The following MBTPS2 variants were observed in gnomAD, a reference collection of about 807,000 sequenced individuals.
MBTPS2 encodes membrane bound transcription factor peptidase, site 2.
A neutral mutation model predicts 35.4 loss-of-function variants in MBTPS2; 2 were observed. The observed-to-expected ratio is 0.06, with a 90% CI of 0.02 to 0.18. MBTPS2 has a LOEUF of 0.18. MBTPS2 is among the 10% of genes least tolerant of loss of function. The pLI, the probability that MBTPS2 is intolerant of heterozygous loss-of-function variation, is 1.00. For synonymous variants in MBTPS2, 125 were observed against 140.4 expected (o/e 0.89, Z 0.77); for missense variants, 244 against 386.5 (o/e 0.63, Z 3.09).
chrX:21,884,617 T>C lies in MBTPS2; in HGVS notation c.*1962T>C. The C allele has an allele frequency of 1.3e-6, 1 of 754,341 alleles. No homozygotes were observed. The highest frequency in any genetic ancestry group is 1.6e-6 in the Non-Finnish European group (1 of 639,288). 62.2% of individuals were successfully genotyped at this position (754,341 alleles called of 1,213,427 possible). A position where few individuals can be genotyped will look rare whatever the true frequency, so the allele number is the denominator to read the frequency against. On this transcript the variant is annotated 3_prime_UTR_variant, in exon 11 of 11. Coordinates refer to ENST00000379484, the MANE Select transcript of MBTPS2 (RefSeq NM_015884.4). ...AAAGAGCAGATCAGTACCATTTGTA[T>C]AAAACCGGCCTCATTATGTAAGAAA...
intron 9 of MBTPS2, 42 bp downstream of exon 9, chrX:21,878,734 C>A: frequency 1.1e-6 from 1 of 892,997 alleles, no homozygotes; most frequent in Non-Finnish European, 1.7e-6. Context: ...TCATTAAGAT[C>A]ACATATAGTC....
In MBTPS2 at chrX:21,884,649, GTT is replaced by G. The variant is rs2092962771; in HGVS notation, c.*1995_*1996del. The G allele has an allele frequency of 1.3e-6, 1 of 749,309 alleles. No individual in the cohort carries two copies. The highest frequency in any genetic ancestry group is 8.8e-5 in the Admixed American group (1 of 11,319). 61.8% of individuals were successfully genotyped at this position (749,309 alleles called of 1,213,427 possible). ...GGCCTCATTATGTAAGAAAGAAAATGTTACGTGTTTTCTTCTTTAGCTTGGTT... is the reference window on the plus strand; with the variant it reads ...GGCCTCATTATGTAAGAAAGAAAATGACGTGTTTTCTTCTTTAGCTTGGTT... On this transcript the variant is annotated 3_prime_UTR_variant, in exon 11 of 11. Transcript: ENST00000379484.
intron 2 of MBTPS2, among the ~76,000 whole-genome samples, chrX:21,844,843 A>G (rs1350852702): frequency 2.7e-5 from 3 of 112,651 alleles, no homozygotes; most frequent in Non-Finnish European, 3.7e-5. Context: ...ATGGATGTCT[A>G]TAACGTCAAA....
At chrX:21,879,881 C>T (rs1178589767) in intron 9 of MBTPS2, among the ~76,000 whole-genome samples, 1 of 106,523 alleles carries the variant, frequency 9.4e-6, no homozygotes, top group African/African-American at 3.5e-5. Context: ...AATGATATTC[C>T]TTTGTATGGA....
chrX:21,867,473 C>T (rs1186693229), intron 5 of MBTPS2, among the ~76,000 whole-genome samples: 11 of 110,643 alleles, frequency 9.9e-5, no homozygotes, highest in Non-Finnish European at 7.6e-5. Context: ...ACTATTTAAA[C>T]CATCCTTCTC....
chrX:21,879,796 C>T (rs1464074782), intron 9 of MBTPS2, among the ~76,000 whole-genome samples: 1 of 110,252 alleles, frequency 9.1e-6, no homozygotes, highest in African/African-American at 3.3e-5. Flanking sequence ...TGACTAGCTT[C>T]TTTGATGTAG....
intron 1 of MBTPS2, chrX:21,841,860 T>A (rs1219425009): frequency 1.8e-5 from 2 of 112,178 alleles, no homozygotes; most frequent in Non-Finnish European, 3.7e-5. Context: ...CCTGCACCTT[T>A]AGTTTCTCTG....
At chrX:21,848,433 G>C (rs1291189053) in intron 3 of MBTPS2, among the ~76,000 whole-genome samples, 1 of 108,099 alleles carries the variant, frequency 9.3e-6, no homozygotes, top group Admixed American at 1.0e-4. Flanking sequence ...GGGAGGCCAG[G>C]GTGGGTGGAT....
chrX:21,845,267 T>G lies in MBTPS2; in HGVS notation c.321T>G (p.Ala107=), dbSNP rs1200214536. Reference sequence around the variant, plus strand: ...TGCAGACTTTGGCACAAATGATGGCTGACTCTCCCTCTTCTTATTCTTCCT... The same window carrying G: ...TGCAGACTTTGGCACAAATGATGGCGGACTCTCCCTCTTCTTATTCTTCCT... ...TLMQTLAQMM[A]DSPSSYSSSS... The change falls in exon 3 of 11, where the codon GCT becomes GCG. Residue 107 remains alanine, a synonymous_variant. Transcript: ENST00000379484. The G allele has an allele frequency of 8.3e-7, 1 of 1,210,617 alleles. No individual in the cohort carries two copies. Among genetic ancestry groups the G allele is most frequent in the Non-Finnish European group, 1.1e-6 (1 of 894,358 alleles).
chrX:21,844,054 G>C (rs371568587), intron 2 of MBTPS2, among the ~76,000 whole-genome samples: 3 of 107,975 alleles, frequency 2.8e-5, no homozygotes, highest in African/African-American at 1.0e-4. Context: ...AGGTTGCAGA[G>C]AGCCAAGATC....
intron 5 of MBTPS2, among the ~76,000 whole-genome samples, chrX:21,860,540 T>A (rs769170746): frequency 8.9e-6 from 1 of 112,518 alleles, no homozygotes; most frequent in African/African-American, 3.2e-5. Flanking sequence ...GGCAAGAGGT[T>A]GTTCAGATGA....
At chrX:21,853,950 T>C (rs187073568) in intron 5 of MBTPS2, among the ~76,000 whole-genome samples, 1,116 of 111,228 alleles carry the variant, frequency 0.01, 9 homozygotes, top group African/African-American at 0.034. Context: ...CCCTTGGAGA[T>C]GGAACCACAG....
rs1439426247 is a variant in MBTPS2, at chrX:21,853,333, A to T, written c.543-43A>T. On this transcript the variant is annotated intron_variant, in intron 4 of 10. Coordinates refer to ENST00000379484, the MANE Select transcript of MBTPS2 (RefSeq NM_015884.4). ...TATGTACACTATTAATTTGATAAAT[A>T]TAATAGTATTAGTAAACTCCTTTTT... 4 of 965,727 alleles carry T rather than the reference A, an allele frequency of 4.1e-6. No homozygotes were observed. In the East Asian group the frequency reaches 1.2e-4, roughly 30 times the overall value. The allele number at this position is 965,727 out of a possible 1,213,427, so 79.6% of individuals were successfully genotyped here. A position where few individuals can be genotyped will look rare whatever the true frequency, so the allele number is the denominator to read the frequency against.
chrX:21,870,285 A>G (rs1359201410), intron 7 of MBTPS2: 1 of 110,877 alleles, frequency 9.0e-6, no homozygotes, highest in Non-Finnish European at 1.9e-5. Context: ...CCAATAATCA[A>G]ATACCCCAAT....
intron 5 of MBTPS2, chrX:21,858,246 A>G (rs781373390): frequency 1.6e-5 from 2 of 124,025 alleles, no homozygotes; most frequent in African/African-American, 6.4e-5. Flanking sequence ...ATTTAATAGT[A>G]CTAGTTTAAA....
At chrX:21,849,280 A>C (rs1046050076) in intron 3 of MBTPS2, among the ~76,000 whole-genome samples, 1 of 112,566 alleles carries the variant, frequency 8.9e-6, no homozygotes, top group East Asian at 2.8e-4. Context: ...TGTATTACAA[A>C]GGACCAATGC....
chrX:21,869,149 T>C (rs991460462), intron 6 of MBTPS2, among the ~76,000 whole-genome samples: 1 of 112,375 alleles, frequency 8.9e-6, no homozygotes, highest in African/African-American at 3.2e-5. Flanking sequence ...ATGTGTCTTA[T>C]TGTTTTATGC....
intron 6 of MBTPS2, 86 bp from the exon 7 acceptor site, chrX:21,869,412 A>T (rs2092944387): frequency 1.4e-6 from 1 of 695,587 alleles, no homozygotes; most frequent in Non-Finnish European, 2.3e-6. Flanking sequence ...TATTCACTTA[A>T]TTAACTCAGT....
intron 5 of MBTPS2, among the ~76,000 whole-genome samples, chrX:21,864,694 A>G (rs1246641904): frequency 9.1e-6 from 1 of 109,662 alleles, no homozygotes; most frequent in African/African-American, 3.3e-5. Flanking sequence ...ATGGTGGTGC[A>G]TGCCTGTGGT....
Sources: allele counts gnomAD v4.1 joint callset (sites outside exome capture counted in the v4.1 genomes callset), GRCh38; gene constraint gnomAD v4.1.1; transcripts MANE v1.5; gene names NCBI Gene and HGNC (gene_info 2026-07-23, HGNC 2026-07-21).